The following NELL2 variants were observed in gnomAD, a reference collection of about 807,000 sequenced individuals.
NELL2 encodes the protein neural EGFL like 2, also known as protein kinase C-binding protein NELL2.
In NELL2, 41 loss-of-function variants were observed where a neutral mutation model predicts 109.6. The ratio of observed to expected loss-of-function variants is 0.37; its 90% CI spans 0.29 to 0.49. The LOEUF (loss-of-function observed/expected upper bound fraction) is 0.49. Among genes scored for constraint, NELL2 ranks in the 20% least tolerant of loss-of-function variants. The pLI, the probability that NELL2 is intolerant of heterozygous loss-of-function variation, is 0.98. For missense variants in NELL2, 900 were observed against 1,008.3 expected (o/e 0.89, Z 1.45); for synonymous variants, 355 against 344.7 (o/e 1.03, Z -0.33).
chr12:44,849,408 G>C (rs914776924), intron 2 of NELL2, among the ~76,000 whole-genome samples: 6 of 152,062 alleles, frequency 3.9e-5, no homozygotes, highest in Non-Finnish European at 7.4e-5. Context: ...AATATATAAT[G>C]ATCAGTGAAT....
intron 2 of NELL2, among the ~76,000 whole-genome samples, chr12:44,819,806 G>A (rs146149386): frequency 2.6e-5 from 4 of 152,250 alleles, no homozygotes; most frequent in East Asian, 1.9e-4. Flanking sequence ...CAAAGCCAGC[G>A]GAAGCCCCAT....
chr12:44,736,232 A>G lies in NELL2; in HGVS notation c.995-21491T>C, dbSNP rs193262282. ...CACCGTGTCAGCCAGGATGGTCTCA[A>G]TCTCCTGACCTCGTGATCCGCCCGT... On this transcript the variant is annotated intron_variant, in intron 9 of 19. Transcript: ENST00000429094. 7.4e-4 allele frequency among the ~76,000 whole-genome samples: 113 copies of G among 151,958 alleles called. 1 individual carries two copies. Among genetic ancestry groups the G allele is most frequent in the Admixed American group, 3.7e-3 (57 of 15,280 alleles).
chr12:44,596,003 C>A (rs999164023), intron 15 of NELL2, among the ~76,000 whole-genome samples: 1 of 152,108 alleles, frequency 6.6e-6, no homozygotes, highest in South Asian at 2.1e-4. Flanking sequence ...TTCTTAAGAG[C>A]AATTTCTTCT....
At chr12:44,530,366 TAAG>T (rs1941990241) in intron 16 of NELL2, among the ~76,000 whole-genome samples, 1 of 152,032 alleles carries the variant, frequency 6.6e-6, no homozygotes, top group Admixed American at 6.6e-5. Flanking sequence ...TGAGGAGACT[TAAG>T]AAGTTGTGAA....
At chr12:44,721,081 G>A (rs1311080262) in intron 9 of NELL2, among the ~76,000 whole-genome samples, 3 of 152,178 alleles carry the variant, frequency 2.0e-5, no homozygotes, top group Non-Finnish European at 4.4e-5. Flanking sequence ...GAATGTATAT[G>A]CTGAGGAAAC....
intron 15 of NELL2, among the ~76,000 whole-genome samples, chr12:44,566,566 C>CACACACACACAGAGAG (rs377368706): frequency 7.2e-5 from 10 of 138,422 alleles, no homozygotes; most frequent in African/African-American, 2.6e-4. Context: ...CACACACACA[C>CACACACACACAGAGAG]AGAGTTTTAT....
chr12:44,642,264 A>G (rs556872360), intron 13 of NELL2, among the ~76,000 whole-genome samples: 30 of 152,306 alleles, frequency 2.0e-4, no homozygotes, highest in African/African-American at 6.7e-4. Flanking sequence ...TGTTGAAAAC[A>G]CTCATTAGGA....
At chr12:44,915,007 G>A (rs1945817546), upstream of NELL2, among the ~76,000 whole-genome samples, 1 of 144,854 alleles carries the variant, frequency 6.9e-6, no homozygotes. Flanking sequence ...TCGCCACCAC[G>A]CCCGGCTAAT....
chr12:44,881,629 T>C (rs780291900), intron 1 of NELL2: 2 of 151,926 alleles, frequency 1.3e-5, no homozygotes, highest in African/African-American at 2.4e-5. Context: ...AAAATGAATA[T>C]AGTCACAGGA....
At chr12:44,553,753 T>A in intron 15 of NELL2, among the ~76,000 whole-genome samples, 1 of 152,182 alleles carries the variant, frequency 6.6e-6, no homozygotes, top group East Asian at 1.9e-4. Flanking sequence ...TAGGGTGTTT[T>A]TGAAAGTAAA....
intron 1 of NELL2, among the ~76,000 whole-genome samples, chr12:44,890,782 G>A (rs900491644): frequency 6.6e-6 from 1 of 151,648 alleles, no homozygotes; most frequent in Non-Finnish European, 1.5e-5. Flanking sequence ...CCAGGCTGGA[G>A]TACAATGGTG....
chr12:44,876,166 T>A lies in NELL2; in HGVS notation c.-297A>T. 1 of 1,255,044 alleles carries A rather than the reference T, an allele frequency of 8.0e-7. No homozygotes were observed. Among genetic ancestry groups the A allele is most frequent in the Non-Finnish European group, 1.0e-6 (1 of 996,300 alleles). The allele number at this position is 1,255,044 out of a possible 1,614,324, so 77.7% of individuals were successfully genotyped here. A position where few individuals can be genotyped will look rare whatever the true frequency, so the allele number is the denominator to read the frequency against. On this transcript the variant is annotated 5_prime_UTR_variant, in exon 1 of 20. Coordinates refer to ENST00000429094, the MANE Select transcript of NELL2 (RefSeq NM_001145108.2). ...TCGGACTCGCCCCGGCGCGGCTCCGTCGGGGAATTAGCTCCCGAGCCGAAT... is the reference window on the plus strand; with the variant it reads ...TCGGACTCGCCCCGGCGCGGCTCCGACGGGGAATTAGCTCCCGAGCCGAAT...
chr12:44,840,739 A>G (rs1344461784), intron 2 of NELL2, among the ~76,000 whole-genome samples: 1 of 152,216 alleles, frequency 6.6e-6, no homozygotes, highest in Non-Finnish European at 1.5e-5. Flanking sequence ...AATTTCAACC[A>G]TTTTTGGCTA....
At chr12:44,614,493 T>C (rs1017346222) in intron 13 of NELL2, among the ~76,000 whole-genome samples, 1 of 152,016 alleles carries the variant, frequency 6.6e-6, no homozygotes, top group Non-Finnish European at 1.5e-5. Flanking sequence ...ACATACAATG[T>C]AAACCTGATT....
At chr12:44,509,187 C>T (rs1326316227) in intron 19 of NELL2, among the ~76,000 whole-genome samples, 1 of 152,124 alleles carries the variant, frequency 6.6e-6, no homozygotes, top group Non-Finnish European at 1.5e-5. Context: ...AAGTCATAAA[C>T]TGGCTTTATT....
At chr12:44,561,367 T>C (rs1028499781) in intron 15 of NELL2, among the ~76,000 whole-genome samples, 2 of 152,140 alleles carry the variant, frequency 1.3e-5, no homozygotes, top group South Asian at 2.1e-4. Context: ...GGTATTCAAA[T>C]AGGAAGAGAG....
intron 15 of NELL2, among the ~76,000 whole-genome samples, chr12:44,537,118 G>T (rs1552859): frequency 0.38 from 57,642 of 150,610 alleles, 13,113 homozygotes; most frequent in East Asian, 0.67. Flanking sequence ...GGTAGCACAA[G>T]ACTGGTTGTT....
At chr12:44,563,227 T>C (rs930654089) in intron 15 of NELL2, among the ~76,000 whole-genome samples, 2 of 152,018 alleles carry the variant, frequency 1.3e-5, no homozygotes, top group Non-Finnish European at 2.9e-5. Context: ...GACAGGTTGA[T>C]TGGTGCAGCA....
intron 13 of NELL2, among the ~76,000 whole-genome samples, chr12:44,657,940 G>T (rs1441660561): frequency 6.6e-6 from 1 of 152,092 alleles, no homozygotes; most frequent in Non-Finnish European, 1.5e-5. Flanking sequence ...CAATAAACAT[G>T]CGTGTGCATG....
Sources: allele counts gnomAD v4.1 joint callset (sites outside exome capture counted in the v4.1 genomes callset), GRCh38; gene constraint gnomAD v4.1.1; transcripts MANE v1.5; gene names NCBI Gene and HGNC (gene_info 2026-07-23, HGNC 2026-07-21).